The following KCNG2 variants were observed in gnomAD, a reference collection of about 807,000 sequenced individuals.
KCNG2 encodes voltage-gated potassium channel regulatory subunit KCNG2.
Under a neutral mutation model 12.3 loss-of-function variants are expected in KCNG2, and 7 were observed. The observed-to-expected ratio is 0.57, with a 90% CI of 0.32 to 1.07. The LOEUF is 1.07. Ranked by LOEUF, KCNG2 falls within the 50% of genes least tolerant of loss-of-function variation. The pLI, the probability that KCNG2 is intolerant of heterozygous loss-of-function variation, is 0.04. For missense variants in KCNG2, 703 were observed against 726.0 expected, an observed-to-expected ratio of 0.97 and a Z score of 0.36; for synonymous variants, 414 against 351.4, an observed-to-expected ratio of 1.18 and a Z score of -1.99.
intron 1 of KCNG2, among the ~76,000 whole-genome samples, chr18:79,802,032 C>T (rs2087413795): frequency 1.3e-5 from 2 of 152,188 alleles, no homozygotes; most frequent in Non-Finnish European, 2.9e-5. Context: ...ACGTTCATCT[C>T]TGAGAAGTTT....
chr18:79,859,453 A>G (rs1242982679), intron 2 of KCNG2, among the ~76,000 whole-genome samples: 1 of 152,230 alleles, frequency 6.6e-6, no homozygotes, highest in Non-Finnish European at 1.5e-5. Context: ...CAGAGACCAC[A>G]CGGAGATGGA....
At chr18:79,882,806 CACCT>C (rs1262691356) in intron 3 of KCNG2, among the ~76,000 whole-genome samples, 9 of 148,644 alleles carry the variant, frequency 6.1e-5, no homozygotes, top group African/African-American at 9.8e-5. Context: ...AGGCCGGGTA[CACCT>C]GCGCGTGGAG....
chr18:79,835,911 A>G (rs1978321460), intron 1 of KCNG2, among the ~76,000 whole-genome samples: 1 of 152,268 alleles, frequency 6.6e-6, no homozygotes. Context: ...ATAAATCAAA[A>G]TAGAATTGTC....
chr18:79,824,841 A>G (rs570381409), intron 1 of KCNG2, among the ~76,000 whole-genome samples: 4 of 151,910 alleles, frequency 2.6e-5, no homozygotes, highest in African/African-American at 9.7e-5. Flanking sequence ...TTTTTTTCTT[A>G]AGAGGCATTG....
intron 1 of KCNG2, among the ~76,000 whole-genome samples, chr18:79,827,117 C>T (rs1461678488): frequency 6.6e-6 from 1 of 152,180 alleles, no homozygotes; most frequent in African/African-American, 2.4e-5. Context: ...TGGTGACAGC[C>T]TCAGGCCTCC....
rs1167506119 is a variant in KCNG2 at position 79,893,965 on chromosome 18, A to C, written c.625-5075A>C. 4.8e-4 allele frequency among the ~76,000 whole-genome samples: 72 copies of C among 150,536 alleles called. 1 individual carries two copies. Among genetic ancestry groups the C allele is most frequent in the Admixed American group, 2.2e-3 (34 of 15,112 alleles). On this transcript the variant is annotated intron_variant, in intron 3 of 3. Transcript: ENST00000316249. ...TTTGATTGGGTTCTTCACTCCATTC[A>C]CATCTAATGTTAACGATTAATATAG... is the stretch of plus-strand genomic sequence containing the variant.
chr18:79,846,447 A>G (rs2123043107), intron 1 of KCNG2, among the ~76,000 whole-genome samples: 1 of 148,684 alleles, frequency 6.7e-6, no homozygotes, highest in African/African-American at 2.4e-5. Context: ...AAGTATTTCA[A>G]ATCAAAATAG....
In KCNG2 at chr18:79,855,852, A is replaced by G. The variant is rs532200447; in HGVS notation, c.-114-527A>G. Among the ~76,000 whole-genome samples, 43 of 152,280 alleles carry G rather than the reference A, an allele frequency of 2.8e-4. No homozygotes were observed. In the South Asian group the frequency reaches 8.9e-3, roughly 32 times the overall value. On this transcript the variant is annotated intron_variant, in intron 1 of 3. Coordinates refer to ENST00000316249, the MANE Select transcript of KCNG2 (RefSeq NM_012283.2). ...CTAGTCTAATACCTGTGGCAATTCA[A>G]GATGCTTATTTTTGCTCTTATGAAT...
intron 2 of KCNG2, among the ~76,000 whole-genome samples, chr18:79,858,720 C>G (rs1599398646): frequency 6.6e-6 from 1 of 152,052 alleles, no homozygotes; most frequent in Admixed American, 6.5e-5. Flanking sequence ...CACATCCTTT[C>G]CAACACTTGT....
Position 79,899,104 on chromosome 18 carries a change from C to G in KCNG2, c.689C>G (p.Ser230Cys), listed in dbSNP as rs943085797. 2 of 1,603,924 alleles carry G rather than the reference C, an allele frequency of 1.2e-6. No individual in the cohort carries two copies. The highest frequency in any genetic ancestry group is 2.7e-5 in the African/African-American group (2 of 74,258). ...VLETVCVAWF[S>C]FEFLLRSLQA... Reference sequence around the variant, plus strand: ...GAGACCGTGTGCGTGGCCTGGTTCTCCTTCGAGTTCCTGCTGCGCTCCCTG... The same window carrying G: ...GAGACCGTGTGCGTGGCCTGGTTCTGCTTCGAGTTCCTGCTGCGCTCCCTG... Residue 230 changes from serine to cysteine, a missense_variant, in exon 4 of 4, where the codon TCC becomes TGC. Coordinates refer to ENST00000316249, the MANE Select transcript of KCNG2 (RefSeq NM_012283.2).
chr18:79,866,345 AGAGGTCTGTGTGCT>A (rs1979543836), intron 3 of KCNG2, among the ~76,000 whole-genome samples: 3 of 127,644 alleles, frequency 2.4e-5, no homozygotes, highest in Non-Finnish European at 4.8e-5. Flanking sequence ...CTGTGTGCTG[AGAGGTCTGTGTGCT>A]GAGGTCTGGG....
intron 3 of KCNG2, among the ~76,000 whole-genome samples, chr18:79,898,504 G>A (rs564169402): frequency 8.5e-5 from 13 of 152,330 alleles, no homozygotes; most frequent in African/African-American, 4.8e-5. Flanking sequence ...AGCTGAGGGC[G>A]GAATGTGAGA....
At chr18:79,861,854 G>A (rs949443962) in intron 2 of KCNG2, among the ~76,000 whole-genome samples, 17 of 152,190 alleles carry the variant, frequency 1.1e-4, no homozygotes, top group African/African-American at 4.1e-4. Flanking sequence ...AGATAGGATA[G>A]CATGAAATGA....
chr18:79,881,626 G>A (rs1476636323), intron 3 of KCNG2, among the ~76,000 whole-genome samples: 1 of 152,178 alleles, frequency 6.6e-6, no homozygotes, highest in Non-Finnish European at 1.5e-5. Flanking sequence ...ATCAACGAAG[G>A]CCTGCAGTGC....
intron 3 of KCNG2, among the ~76,000 whole-genome samples, chr18:79,898,378 C>G (rs1981054186): frequency 6.6e-6 from 1 of 152,302 alleles, no homozygotes; most frequent in African/African-American, 2.4e-5. Flanking sequence ...GGCAGTCAGG[C>G]CCTGCCTTCT....
intron 2 of KCNG2, among the ~76,000 whole-genome samples, chr18:79,860,218 C>A (rs1406968448): frequency 6.6e-6 from 1 of 152,232 alleles, no homozygotes; most frequent in Non-Finnish European, 1.5e-5. Flanking sequence ...AGCCCTCCAA[C>A]TTTGTCCTTT....
intron 3 of KCNG2, among the ~76,000 whole-genome samples, chr18:79,883,411 T>C (rs1465389835): frequency 6.6e-6 from 1 of 152,256 alleles, no homozygotes; most frequent in Non-Finnish European, 1.5e-5. Flanking sequence ...TTTGCATAAA[T>C]CTTTGGGCTC....
chr18:79,863,961 G>A lies in KCNG2; in HGVS notation c.294G>A (p.Ala98=), dbSNP rs1165271224. The stretch of plus-strand genomic sequence containing the variant: ...TGCGACTGCTGCGGGGCCCGTGCGC[G>A]CTGGCCTTCCGCGACGAGCTGGCCT... ...GKLRLLRGPC[A]LAFRDELAYW... Residue 98 remains alanine, a synonymous_variant, in exon 3 of 4, where the codon GCG becomes GCA. Coordinates refer to ENST00000316249, the MANE Select transcript of KCNG2 (RefSeq NM_012283.2). 7 of 1,283,756 alleles carry A rather than the reference G, an allele frequency of 5.5e-6. No individual in the cohort carries two copies. Among genetic ancestry groups the A allele is most frequent in the South Asian group, 4.4e-5 (2 of 45,832 alleles). The allele number at this position is 1,283,756 out of a possible 1,614,324, so 79.5% of individuals were successfully genotyped here.
intron 1 of KCNG2, among the ~76,000 whole-genome samples, chr18:79,804,756 A>G (rs748422616): frequency 1.7e-4 from 26 of 152,258 alleles, no homozygotes; most frequent in Non-Finnish European, 3.7e-4. Flanking sequence ...AACAAATGCA[A>G]TTTAAAATGC....
Sources: gnomAD v4.1 joint callset for allele counts (sites outside exome capture counted in the v4.1 genomes callset) on GRCh38, gnomAD v4.1.1 for gene constraint, MANE v1.5 for transcripts, NCBI Gene and HGNC (gene_info 2026-07-23, HGNC 2026-07-21) for gene names.